The following WWP2 variants were observed in gnomAD, a reference collection of about 807,000 sequenced individuals.
WWP2 encodes WW domain containing E3 ubiquitin protein ligase 2, also known as NEDD4-like E3 ubiquitin-protein ligase WWP2.
A neutral mutation model predicts 121.0 loss-of-function variants in WWP2; 57 were observed. The ratio of observed to expected loss-of-function variants is 0.47; its 90% CI spans 0.38 to 0.59. The LOEUF is 0.59. Ranked by LOEUF, WWP2 falls within the 20% of genes least tolerant of loss-of-function variation. The pLI, the probability that WWP2 is intolerant of heterozygous loss-of-function variation, is 0.00. For missense variants in WWP2, 962 were observed against 1,158.9 expected (o/e 0.83, Z 2.47); for synonymous variants, 449 against 441.3 (o/e 1.02, Z -0.22).
At chr16:69,853,692 G>A (rs2057259597) in intron 6 of WWP2, among the ~76,000 whole-genome samples, 1 of 152,254 alleles carries the variant, frequency 6.6e-6, no homozygotes, top group East Asian at 1.9e-4. Flanking sequence ...GACTAGCCTT[G>A]GGCAGTAGCG....
At chr16:69,813,139 G>C (rs1260303186) in intron 4 of WWP2, among the ~76,000 whole-genome samples, 1 of 151,488 alleles carries the variant, frequency 6.6e-6, no homozygotes, top group Non-Finnish European at 1.5e-5. Context: ...TATTCCATGG[G>C]TTATAACTTA....
rs542528041 is a variant in WWP2 at position 69,835,629 on chromosome 16, G to A, written c.341-4497G>A. Among the ~76,000 whole-genome samples, 5 of 152,096 alleles carry A rather than the reference G, an allele frequency of 3.3e-5. No individual in the cohort carries two copies. In the South Asian group the frequency reaches 1.0e-3, roughly 32 times the overall value. On this transcript the variant is annotated intron_variant, in intron 4 of 23. Coordinates refer to ENST00000359154, the MANE Select transcript of WWP2 (RefSeq NM_001270454.2). Reference sequence around the variant, plus strand: ...CTATATGTTATTATAGTATATGGCTGGGTGTATTTTTTTTCCTGAGCCATT... The same window carrying A: ...CTATATGTTATTATAGTATATGGCTAGGTGTATTTTTTTTCCTGAGCCATT...
At chr16:69,908,550 T>C (rs1301774343) in intron 8 of WWP2, among the ~76,000 whole-genome samples, 2 of 152,246 alleles carry the variant, frequency 1.3e-5, no homozygotes, top group African/African-American at 4.8e-5. Context: ...ATTGATTCCA[T>C]ACAGGGGAGC....
At chr16:69,789,375 G>A (rs1302892022) in intron 2 of WWP2, among the ~76,000 whole-genome samples, 3 of 152,124 alleles carry the variant, frequency 2.0e-5, no homozygotes, top group East Asian at 1.9e-4. Context: ...GACTACAGGC[G>A]TGTGCCACCG....
At chr16:69,784,301 T>C (rs1298900047) in intron 1 of WWP2, among the ~76,000 whole-genome samples, 1 of 152,074 alleles carries the variant, frequency 6.6e-6, no homozygotes, top group Middle Eastern at 3.2e-3. Context: ...GGTTTCACCA[T>C]GTTGGTCAGG....
At chr16:69,778,001 T>C (rs1412984950) in intron 1 of WWP2, among the ~76,000 whole-genome samples, 3 of 149,942 alleles carry the variant, frequency 2.0e-5, no homozygotes, top group African/African-American at 7.4e-5. Flanking sequence ...GCCCAGGAGG[T>C]TGAGGCTGCA....
chr16:69,817,204 T>G (rs890783390), intron 4 of WWP2, among the ~76,000 whole-genome samples: 1 of 152,200 alleles, frequency 6.6e-6, no homozygotes, highest in Non-Finnish European at 1.5e-5. Context: ...TTTTTCCGCA[T>G]CAGTGAAACT....
At chr16:69,897,555 G>A (rs2362642) in intron 8 of WWP2, among the ~76,000 whole-genome samples, 105,360 of 152,094 alleles carry the variant, frequency 0.69, 38,536 homozygotes, top group African/African-American at 0.92. Context: ...GCTATACGGT[G>A]TTCTGTTACA....
At chr16:69,844,046 G>A (rs977763109) in intron 6 of WWP2, among the ~76,000 whole-genome samples, 5 of 152,094 alleles carry the variant, frequency 3.3e-5, no homozygotes, top group African/African-American at 7.2e-5. Context: ...GGCAAGTGGC[G>A]GGAGCAAGAC....
chr16:69,801,197 A>C (rs1222649232), intron 4 of WWP2, among the ~76,000 whole-genome samples: 1 of 145,756 alleles, frequency 6.9e-6, no homozygotes, highest in Non-Finnish European at 1.5e-5. Context: ...AAAAAAAAAA[A>C]GCAATTTTAC....
chr16:69,776,836 A>G (rs188525090), intron 1 of WWP2, among the ~76,000 whole-genome samples: 1 of 151,934 alleles, frequency 6.6e-6, no homozygotes, highest in East Asian at 1.9e-4. Context: ...CTCGAAAAAA[A>G]AAAAATAAAA....
intron 7 of WWP2, among the ~76,000 whole-genome samples, chr16:69,884,876 G>A (rs1380922126): frequency 2.0e-5 from 3 of 152,150 alleles, no homozygotes; most frequent in African/African-American, 7.2e-5. Flanking sequence ...CAGAAGTATT[G>A]TAGCTAATAA....
chr16:69,912,238 G>A (rs907352336), intron 9 of WWP2, among the ~76,000 whole-genome samples: 6 of 151,602 alleles, frequency 4.0e-5, no homozygotes, highest in Admixed American at 4.0e-4. Context: ...ACAGTGAGCT[G>A]AGATTGCACC....
At chr16:69,895,483 C>G (rs1399458114) in intron 8 of WWP2, among the ~76,000 whole-genome samples, 1 of 152,174 alleles carries the variant, frequency 6.6e-6, no homozygotes, top group African/African-American at 2.4e-5. Context: ...ACAAAAGTTC[C>G]TAAAGTGGGC....
At position 69,871,052 on chromosome 16, in the gene WWP2, G is replaced by A. The variant is rs376955324; in HGVS notation, c.576-752G>A. The stretch of plus-strand genomic sequence containing the variant: ...TGTAATCCCAGCACTTTGGGAGGCT[G>A]AGGTGGGAGGATCGTTTGAGCTCAG... On this transcript the variant is annotated intron_variant, in intron 6 of 23. Coordinates refer to ENST00000359154, the MANE Select transcript of WWP2 (RefSeq NM_001270454.2). Among the ~76,000 whole-genome samples, 16 of 152,314 alleles carry A rather than the reference G, an allele frequency of 1.1e-4. 2 individuals carry two copies. The highest frequency in any genetic ancestry group is 3.9e-4 in the East Asian group (2 of 5,186).
chr16:69,779,695 T>G (rs1018567695), intron 1 of WWP2, among the ~76,000 whole-genome samples: 1 of 152,216 alleles, frequency 6.6e-6, no homozygotes, highest in South Asian at 2.1e-4. Context: ...TTGAGTTGCC[T>G]TAGGAAAGAA....
intron 4 of WWP2, among the ~76,000 whole-genome samples, chr16:69,829,117 C>T (rs1309597590): frequency 6.6e-6 from 1 of 152,174 alleles, no homozygotes; most frequent in Non-Finnish European, 1.5e-5. Context: ...TTGCCCACCC[C>T]GTTTTCTAAT....
intron 1 of WWP2, among the ~76,000 whole-genome samples, chr16:69,775,561 T>A (rs141326857): frequency 1.1e-3 from 167 of 152,334 alleles, no homozygotes; most frequent in Non-Finnish European, 2.0e-3. Context: ...TCATGTGTTG[T>A]CTGCTGTTTC....
intron 7 of WWP2, among the ~76,000 whole-genome samples, chr16:69,872,417 C>T (rs1373932206): frequency 6.6e-6 from 1 of 152,060 alleles, no homozygotes; most frequent in Non-Finnish European, 1.5e-5. Flanking sequence ...AGGGTTTCAC[C>T]GTGTTAGCCA....
Sources: gnomAD v4.1 joint callset for allele counts (sites outside exome capture counted in the v4.1 genomes callset) on GRCh38, gnomAD v4.1.1 for gene constraint, MANE v1.5 for transcripts, NCBI Gene and HGNC (gene_info 2026-07-23, HGNC 2026-07-21) for gene names.